The following PRORP variants were observed in gnomAD, a reference collection of about 807,000 sequenced individuals.
PRORP encodes the protein mitochondrial ribonuclease P catalytic subunit.
Under a neutral mutation model 59.4 loss-of-function variants are expected in PRORP, and 51 were observed. The observed-to-expected ratio is 0.86, with a 90% CI of 0.69 to 1.08. The LOEUF (loss-of-function observed/expected upper bound fraction) is 1.08. Ranked by LOEUF, PRORP falls within the 50% of genes least tolerant of loss-of-function variation. PRORP has a pLI of 0.00. For missense variants in PRORP, 646 were observed against 690.3 expected (o/e 0.94, Z 0.72); for synonymous variants, 231 against 245.6 (o/e 0.94, Z 0.55).
intron 4 of PRORP, among the ~76,000 whole-genome samples, chr14:35,179,516 C>T (rs2048543510): frequency 6.6e-6 from 1 of 152,184 alleles, no homozygotes; most frequent in Non-Finnish European, 1.5e-5. Flanking sequence ...ACCCTTTCTT[C>T]CAGTTGATCG....
chr14:35,185,097 A>G (rs2048711300), intron 5 of PRORP, among the ~76,000 whole-genome samples: 1 of 152,166 alleles, frequency 6.6e-6, no homozygotes, highest in African/African-American at 2.4e-5. Flanking sequence ...AGAAATTGCC[A>G]TACTGCTTTC....
intron 4 of PRORP, among the ~76,000 whole-genome samples, chr14:35,142,673 C>T (rs1442496967): frequency 4.9e-5 from 7 of 144,274 alleles, no homozygotes; most frequent in Admixed American, 4.4e-4. Context: ...AAAACCCGTT[C>T]TCTAATAAAA....
At chr14:35,173,632 G>C (rs1017998667) in intron 4 of PRORP, among the ~76,000 whole-genome samples, 1 of 152,038 alleles carries the variant, frequency 6.6e-6, no homozygotes, top group African/African-American at 2.4e-5. Flanking sequence ...CTTTCTGCTT[G>C]ATTTCCAGCT....
chr14:35,215,180 C>T (rs1057476805), intron 5 of PRORP, among the ~76,000 whole-genome samples: 1 of 152,082 alleles, frequency 6.6e-6, no homozygotes, highest in African/African-American at 2.4e-5. Context: ...ACTTAATATT[C>T]TCTAAAGATT....
At chr14:35,243,119 C>T (rs2138553022) in intron 5 of PRORP, among the ~76,000 whole-genome samples, 1 of 152,320 alleles carries the variant, frequency 6.6e-6, no homozygotes, top group Admixed American at 6.5e-5. Context: ...CTCATGTACA[C>T]TCCAGCTGAG....
At chr14:35,203,873 A>G (rs1308339388) in intron 5 of PRORP, among the ~76,000 whole-genome samples, 1 of 152,174 alleles carries the variant, frequency 6.6e-6, no homozygotes, top group Non-Finnish European at 1.5e-5. Flanking sequence ...GAAAAAAAAG[A>G]TATTCTTTTG....
At chr14:35,262,880 A>G in intron 5 of PRORP, 1 of 1,551,314 alleles carries the variant, frequency 6.4e-7, no homozygotes, top group Non-Finnish European at 8.9e-7. Flanking sequence ...AAGCCCAGAA[A>G]GATGAATTAA....
At chr14:35,180,492 A>G (rs1444348354) in intron 4 of PRORP, among the ~76,000 whole-genome samples, 178 bp from the exon 5 acceptor site, 1 of 149,254 alleles carries the variant, frequency 6.7e-6, no homozygotes, top group Non-Finnish European at 1.5e-5. Context: ...TGCATCCATT[A>G]GACTGGCTTT....
intron 5 of PRORP, among the ~76,000 whole-genome samples, chr14:35,256,977 A>C (rs1171881573): frequency 6.0e-5 from 9 of 150,664 alleles, no homozygotes; most frequent in Admixed American, 6.0e-4. Context: ...GGTTCAAGCG[A>C]TTCTCCTGCC....
chr14:35,270,285 G>A, intron 6 of PRORP, 116 bp from the exon 7 acceptor site: 1 of 914,786 alleles, frequency 1.1e-6, no homozygotes, highest in South Asian at 1.6e-5. Flanking sequence ...CTAGCATCAT[G>A]TTGGTCAAGA....
At chr14:35,128,944 C>T (rs1282160006) in intron 4 of PRORP, among the ~76,000 whole-genome samples, 1 of 151,972 alleles carries the variant, frequency 6.6e-6, no homozygotes, top group Non-Finnish European at 1.5e-5. Context: ...TGCCTGTAAT[C>T]CCAGCACTTT....
intron 4 of PRORP, among the ~76,000 whole-genome samples, chr14:35,130,114 T>G (rs1045774399): frequency 6.8e-6 from 1 of 148,138 alleles, no homozygotes; most frequent in Non-Finnish European, 1.5e-5. Flanking sequence ...CACTGCAGCC[T>G]CTGCCCCCCA....
At chr14:35,263,548 A>G (rs1403474402) in intron 5 of PRORP, among the ~76,000 whole-genome samples, 4 of 107,954 alleles carry the variant, frequency 3.7e-5, no homozygotes, top group Non-Finnish European at 6.8e-5. Context: ...TTAGCCAGGC[A>G]TGGGTGGCAG....
chr14:35,239,538 AC>A (rs1291348286), intron 5 of PRORP, among the ~76,000 whole-genome samples: 2 of 151,502 alleles, frequency 1.3e-5, no homozygotes, highest in African/African-American at 4.8e-5. Flanking sequence ...CTGGTGAAGA[AC>A]AAGAACAGAC....
At chr14:35,259,899 TAAATA>T (rs920184821) in intron 5 of PRORP, among the ~76,000 whole-genome samples, 3 of 150,796 alleles carry the variant, frequency 2.0e-5, no homozygotes, top group African/African-American at 4.9e-5. Context: ...TCTCAAAAAA[TAAATA>T]AAATAAAATA....
At chr14:35,201,734 C>T (rs1354021206) in intron 5 of PRORP, among the ~76,000 whole-genome samples, 3 of 151,822 alleles carry the variant, frequency 2.0e-5, no homozygotes, top group Non-Finnish European at 2.9e-5. Flanking sequence ...TCTTGGCTCA[C>T]TGCAACCTCC....
At chr14:35,267,699 T>C (rs534847662) in intron 6 of PRORP, among the ~76,000 whole-genome samples, 76 of 151,854 alleles carry the variant, frequency 5.0e-4, no homozygotes, top group African/African-American at 1.8e-3. Context: ...GAGAATGGCG[T>C]GAACCCGGGA....
At chr14:35,194,230 C>T (rs1336883019) in intron 5 of PRORP, among the ~76,000 whole-genome samples, 12 of 152,132 alleles carry the variant, frequency 7.9e-5, no homozygotes, top group Non-Finnish European at 1.3e-4. Flanking sequence ...AATGAGAGTT[C>T]ACTCATGATT....
intron 5 of PRORP, among the ~76,000 whole-genome samples, chr14:35,240,603 T>C (rs996839400): frequency 6.6e-6 from 1 of 152,208 alleles, no homozygotes; most frequent in African/African-American, 2.4e-5. Context: ...CATTTTTTTA[T>C]TCTACAACAT....
Sources: allele counts gnomAD v4.1 joint callset (sites outside exome capture counted in the v4.1 genomes callset), GRCh38; gene constraint gnomAD v4.1.1; transcripts MANE v1.5; gene names NCBI Gene and HGNC (gene_info 2026-07-23, HGNC 2026-07-21).